CENPF: variants seen among roughly 807,000 people sequenced by gnomAD.
The protein encoded by CENPF is centromere protein F.
In CENPF, 214 loss-of-function variants were observed where a neutral mutation model predicts 307.3. That is an observed-to-expected ratio of 0.70 (90% CI 0.62 to 0.78). The LOEUF is 0.78. Among genes scored for constraint, CENPF ranks in the 30% least tolerant of loss-of-function variants. CENPF has a pLI of 0.00. For missense variants in CENPF, 3,401 were observed against 3,483.9 expected (o/e 0.98, Z 0.60); for synonymous variants, 1,259 against 1,270.6 (o/e 0.99, Z 0.19).
chr1:214,663,593 C>A lies in CENPF; in HGVS notation c.9144C>A (p.Val3048=). Residue 3048 remains valine (V), a splice_region_variant and synonymous_variant, in exon 20 of 20, where the codon GTC becomes GTA. Transcript: ENST00000366955. ...TAACAGAGATGTTTGTGTTGCAGGT[C>A]AAAGTTGCTCAGCGGAGCCCAGTAG... The part of the protein sequence containing the change: ...PTAGGSRSQK[V]KVAQRSPVDS... The A allele has an allele frequency of 6.2e-7, 1 of 1,614,002 alleles. No individual in the cohort carries two copies.
Position 214,656,268 on chromosome 1 carries a change from G to A in CENPF, c.8486-665G>A, listed in dbSNP as rs140610593. Among the ~76,000 whole-genome samples, 313 of 152,204 alleles carry A rather than the reference G, an allele frequency of 2.1e-3. 1 individual carries two copies. The highest frequency in any genetic ancestry group is 6.9e-3 in the African/African-American group (286 of 41,524). On this transcript the variant is annotated intron_variant, in intron 17 of 19. Coordinates refer to ENST00000366955, the MANE Select transcript of CENPF (RefSeq NM_016343.4). Reference sequence around the variant, plus strand: ...AGATGATGACAAGCATAATCTGACTGGCTTCTCTGGTCTGTAGTGTAGCAG... The same window carrying A: ...AGATGATGACAAGCATAATCTGACTAGCTTCTCTGGTCTGTAGTGTAGCAG...
intron 1 of CENPF, chr1:214,608,438 C>A: frequency 6.2e-7 from 1 of 1,613,188 alleles, no homozygotes; most frequent in African/African-American, 1.3e-5. Context: ...AGGCGGGAGC[C>A]CAGGCCAATG....
At chr1:214,638,556 G>A (rs950256241) in intron 11 of CENPF, among the ~76,000 whole-genome samples, 1 of 152,210 alleles carries the variant, frequency 6.6e-6, no homozygotes, top group Admixed American at 6.5e-5. Context: ...TGTGCCGGAT[G>A]TCTTCTACAT....
At position 214,642,385 on chromosome 1, in the gene CENPF, A is replaced by G; in HGVS notation, c.4047A>G (p.Leu1349=). Residue 1349 remains leucine (L), a synonymous_variant, in exon 12 of 20, where the codon TTA becomes TTG. Transcript: ENST00000366955. ...AACTACTAAATGAAGTTAAAATATTAAATGATGACAGTGGTCTTCTCCATG... is the reference window on the plus strand; with the variant it reads ...AACTACTAAATGAAGTTAAAATATTGAATGATGACAGTGGTCTTCTCCATG... ...VGKLLNEVKI[L]NDDSGLLHGE... 1 of 1,609,306 alleles carries G rather than the reference A, an allele frequency of 6.2e-7. No homozygotes were observed. The highest frequency in any genetic ancestry group is 1.7e-4 in the Middle Eastern group (1 of 6,014).
intron 1 of CENPF, chr1:214,613,480 G>A (rs988267413): frequency 1.2e-5 from 3 of 254,112 alleles, no homozygotes; most frequent in East Asian, 1.5e-4. Flanking sequence ...AGTCAACACC[G>A]AGAAATAAGA....
chr1:214,608,195 C>T lies in CENPF; in HGVS notation c.-42+4874C>T. The T allele has an allele frequency of 3.8e-6, 4 of 1,060,158 alleles. No individual in the cohort carries two copies. In the South Asian group the frequency reaches 6.2e-5, roughly 16 times the overall value. 65.7% of individuals were successfully genotyped at this position (1,060,158 alleles called of 1,614,324 possible). ...CCGGCTCTCTGGCCCTGTGCATCCA[C>T]TGTGGCTCCCCTCCTGCAGAGCCGC... is the stretch of plus-strand genomic sequence containing the variant. On this transcript the variant is annotated intron_variant, in intron 1 of 19. Coordinates refer to ENST00000366955, the MANE Select transcript of CENPF (RefSeq NM_016343.4).
At chr1:214,652,228 G>A (rs1429301121) in intron 15 of CENPF, among the ~76,000 whole-genome samples, 1 of 151,148 alleles carries the variant, frequency 6.6e-6, no homozygotes, top group Non-Finnish European at 1.5e-5. Flanking sequence ...GTAGTGATGG[G>A]GTTTCACTGT....
chr1:214,614,428 A>G (rs181516743), intron 2 of CENPF, among the ~76,000 whole-genome samples: 42 of 152,312 alleles, frequency 2.8e-4, no homozygotes, highest in Admixed American at 1.9e-3. Context: ...TTACCTCTCT[A>G]TTAGCCAACT....
chr1:214,640,972 G>T lies in CENPF; in HGVS notation c.2634G>T (p.Val878=). ...CAGAACAGATGCATCAAAGTTTTGT[G>T]GCTGAAACAAGTCAGCGCATTAGTA... The part of the protein sequence containing the change: ...MKAEQMHQSF[V]AETSQRISKL... Residue 878 remains valine, a synonymous_variant, in exon 12 of 20, where the codon GTG becomes GTT. Transcript: ENST00000366955. The T allele has an allele frequency of 6.3e-7, 1 of 1,599,596 alleles. No individual in the cohort carries two copies. Among genetic ancestry groups the T allele is most frequent in the South Asian group, 1.1e-5 (1 of 87,334 alleles).
intron 1 of CENPF, among the ~76,000 whole-genome samples, chr1:214,606,867 C>T (rs912286897): frequency 4.6e-5 from 7 of 152,252 alleles, no homozygotes; most frequent in Non-Finnish European, 8.8e-5. Flanking sequence ...CCACCCTGCC[C>T]ATGCCGGGAC....
At position 214,651,932 on chromosome 1, in the gene CENPF, T is replaced by G. The variant is rs764655472; in HGVS notation, c.8160+46T>G. ...ACTGGGGGAGCTGGAGAGTGTATTTTGATCATGGTAAGGCTTTTTTTTTTT... is the reference window on the plus strand; with the variant it reads ...ACTGGGGGAGCTGGAGAGTGTATTTGGATCATGGTAAGGCTTTTTTTTTTT... On this transcript the variant is annotated intron_variant, in intron 15 of 19. Transcript: ENST00000366955. The G allele has an allele frequency of 2.0e-6, 3 of 1,512,256 alleles. No homozygotes were observed. The African/African-American group carries it at 4.3e-5, about 22-fold the overall frequency. 93.7% of individuals were successfully genotyped at this position (1,512,256 alleles called of 1,614,324 possible).
chr1:214,630,983 CACTTT>C (rs1391015542), intron 9 of CENPF, among the ~76,000 whole-genome samples: 4 of 152,136 alleles, frequency 2.6e-5, no homozygotes, highest in African/African-American at 9.7e-5. Flanking sequence ...AAATTATAAT[CACTTT>C]ACTTATTTAA....
intron 14 of CENPF, among the ~76,000 whole-genome samples, chr1:214,649,688 A>G (rs1207546717): frequency 6.6e-6 from 1 of 152,212 alleles, no homozygotes; most frequent in African/African-American, 2.4e-5. Flanking sequence ...TATTCTGGCC[A>G]TACTGCATGG....
Position 214,664,560 on chromosome 1 carries a change from C to T in CENPF, c.*766C>T, listed in dbSNP as rs1179748677. The T allele has an allele frequency of 1.3e-5, 2 of 152,106 alleles. No homozygotes were observed. The highest frequency in any genetic ancestry group is 2.9e-5 in the Non-Finnish European group (2 of 68,040). 9.4% of individuals were successfully genotyped at this position (152,106 alleles called of 1,614,324 possible). ...TGTTTTCTAATAAAATAGTCGCCTT[C>T]GTTTTCTGTAAGAATGATTCCTAAG... On this transcript the variant is annotated 3_prime_UTR_variant, in exon 20 of 20. Coordinates refer to ENST00000366955, the MANE Select transcript of CENPF (RefSeq NM_016343.4).
chr1:214,613,881 A>G lies in CENPF; in HGVS notation c.127A>G (p.Ser43Gly), dbSNP rs987822149. The G allele has an allele frequency of 4.3e-6, 7 of 1,613,588 alleles. No individual in the cohort carries two copies. The highest frequency in any genetic ancestry group is 2.2e-5 in the East Asian group (1 of 44,858). ...GCAGCAAAGGCAGTTTCAGCTTGAC[A>G]GTCTCGAGGCTGCGCTGCAGAAGCA... ...EKQQRQFQLDSLEAALQKQKQ... is the reference protein window; with the variant it reads ...EKQQRQFQLDGLEAALQKQKQ... Residue 43 changes from serine to glycine, a missense_variant, in exon 2 of 20, where the codon AGT (serine) becomes GGT (glycine). Coordinates refer to ENST00000366955, the MANE Select transcript of CENPF (RefSeq NM_016343.4).
intron 10 of CENPF, among the ~76,000 whole-genome samples, chr1:214,636,398 C>G (rs910711191): frequency 1.3e-5 from 2 of 152,124 alleles, no homozygotes; most frequent in African/African-American, 4.8e-5. Flanking sequence ...TGGAGCTGCC[C>G]TTTAGTTCTG....
At chr1:214,611,019 A>G (rs1201410059) in intron 1 of CENPF, among the ~76,000 whole-genome samples, 1 of 151,998 alleles carries the variant, frequency 6.6e-6, no homozygotes, top group Non-Finnish European at 1.5e-5. Flanking sequence ...TGGGCTCTCT[A>G]TTATGTTCCA....
chr1:214,632,548 A>G lies in CENPF; in HGVS notation c.1392A>G (p.Glu464=), dbSNP rs770257861. The G allele has an allele frequency of 2.5e-6, 4 of 1,614,192 alleles. No individual in the cohort carries two copies. The highest frequency in any genetic ancestry group is 3.4e-6 in the Non-Finnish European group (4 of 1,180,022). The part of the protein sequence containing the change: ...EEFKQKLCRA[E]QAFQASQIKE... The stretch of plus-strand genomic sequence containing the variant: ...TTAAGCAAAAGTTGTGCAGAGCTGA[A>G]CAGGCGTTCCAGGCGAGTCAGATCA... The change falls in exon 10 of 20, where the codon GAA becomes GAG. Residue 464 remains glutamate, a synonymous_variant. Coordinates refer to ENST00000366955, the MANE Select transcript of CENPF (RefSeq NM_016343.4).
At chr1:214,611,053 A>G (rs1657186506) in intron 1 of CENPF, among the ~76,000 whole-genome samples, 1 of 152,078 alleles carries the variant, frequency 6.6e-6, no homozygotes, top group Admixed American at 6.5e-5. Context: ...CTGATTTTGT[A>G]CTAGTACCAT....
Sources: gnomAD v4.1 joint callset for allele counts (sites outside exome capture counted in the v4.1 genomes callset) on GRCh38, gnomAD v4.1.1 for gene constraint, MANE v1.5 for transcripts, NCBI Gene and HGNC (gene_info 2026-07-23, HGNC 2026-07-21) for gene names.